Variants in GUCY1A2 observed in about 807,000 individuals in gnomAD.
GUCY1A2 encodes guanylate cyclase 1 soluble subunit alpha 2.
GUCY1A2 carries 27 observed loss-of-function variants against 63.5 expected under a neutral mutation model. The observed-to-expected ratio is 0.43, with a 90% CI of 0.31 to 0.59. GUCY1A2 has a LOEUF of 0.59. GUCY1A2 is among the 20% of genes least tolerant of loss of function. The pLI, the probability that GUCY1A2 is intolerant of heterozygous loss-of-function variation, is 0.11. For missense variants in GUCY1A2, 768 were observed against 913.3 expected (o/e 0.84, Z 2.05); for synonymous variants, 364 against 343.5 (o/e 1.06, Z -0.66).
chr11:106,895,500 G>A (rs994821419), intron 4 of GUCY1A2, among the ~76,000 whole-genome samples: 14 of 152,062 alleles, frequency 9.2e-5, no homozygotes, highest in African/African-American at 3.4e-4. Flanking sequence ...TTTCCATGCC[G>A]TTCTCATGAT....
At chr11:106,895,550 T>TTCC (rs1438404778) in intron 4 of GUCY1A2, among the ~76,000 whole-genome samples, 2 of 152,130 alleles carry the variant, frequency 1.3e-5, no homozygotes, top group African/African-American at 2.4e-5. Context: ...TAAAGGGCAG[T>TTCC]TCCTCCGCAC....
intron 5 of GUCY1A2, among the ~76,000 whole-genome samples, chr11:106,799,056 T>G (rs964970449): frequency 6.6e-6 from 1 of 152,178 alleles, no homozygotes. Context: ...ATAAGCAACT[T>G]CAGCAAAGTC....
At chr11:106,713,030 C>T (rs1863147603) in intron 6 of GUCY1A2, among the ~76,000 whole-genome samples, 1 of 152,132 alleles carries the variant, frequency 6.6e-6, no homozygotes, top group South Asian at 2.1e-4. Flanking sequence ...TCCTTGGTCT[C>T]CCAAGACTCT....
At chr11:106,845,352 C>G (rs1407213369) in intron 4 of GUCY1A2, among the ~76,000 whole-genome samples, 1 of 151,472 alleles carries the variant, frequency 6.6e-6, no homozygotes, top group Non-Finnish European at 1.5e-5. Context: ...ATTGCTCCCC[C>G]TCTTCTTTCA....
chr11:106,977,815 C>T (rs143197404), intron 3 of GUCY1A2, among the ~76,000 whole-genome samples: 43 of 152,218 alleles, frequency 2.8e-4, no homozygotes, highest in African/African-American at 7.7e-4. Flanking sequence ...CCCACTAGCA[C>T]CCTCCAGCAC....
intron 7 of GUCY1A2, among the ~76,000 whole-genome samples, chr11:106,695,317 C>T (rs1373842083): frequency 7.2e-5 from 11 of 152,038 alleles, no homozygotes; most frequent in East Asian, 1.9e-4. Context: ...TATTAACTTC[C>T]GAAAAGGGTA....
chr11:106,780,052 C>T (rs1864431357), intron 5 of GUCY1A2, among the ~76,000 whole-genome samples: 1 of 152,042 alleles, frequency 6.6e-6, no homozygotes, highest in Non-Finnish European at 1.5e-5. Context: ...TGGACCTTAC[C>T]TATAGTCCCA....
rs1048609384 is a variant in GUCY1A2 at position 106,686,127 on chromosome 11, A to C, written c.*1422T>G. The stretch of plus-strand genomic sequence containing the variant: ...GGAAACAAATGCTTCCAGCTTATTA[A>C]CCTCAATAGAAACTTAGATTTTATA... On this transcript the variant is annotated 3_prime_UTR_variant, in exon 8 of 8. Coordinates refer to ENST00000526355, the MANE Select transcript of GUCY1A2 (RefSeq NM_000855.3). The C allele has an allele frequency of 9.3e-6, 2 of 216,142 alleles. No individual in the cohort carries two copies. Among genetic ancestry groups the C allele is most frequent in the Admixed American group, 1.2e-4 (2 of 17,180 alleles). The allele number at this position is 216,142 out of a possible 1,614,324, so 13.4% of individuals were successfully genotyped here. A position where few individuals can be genotyped will look rare whatever the true frequency, so the allele number is the denominator to read the frequency against.
intron 7 of GUCY1A2, among the ~76,000 whole-genome samples, chr11:106,700,115 C>G (rs1250780466): frequency 6.6e-6 from 1 of 152,068 alleles, no homozygotes; most frequent in Non-Finnish European, 1.5e-5. Context: ...ACCACTTTTG[C>G]AAAGTACATA....
At chr11:106,878,729 A>T (rs549786492) in intron 4 of GUCY1A2, among the ~76,000 whole-genome samples, 1 of 150,954 alleles carries the variant, frequency 6.6e-6, no homozygotes, top group Non-Finnish European at 1.5e-5. Context: ...ATCCCCCATG[A>T]TATGAGTTTA....
intron 2 of GUCY1A2, among the ~76,000 whole-genome samples, chr11:106,982,730 T>C (rs1053184046): frequency 5.3e-5 from 8 of 151,902 alleles, no homozygotes; most frequent in Admixed American, 3.3e-4. Context: ...AAACGATACA[T>C]ACAAAGGCCC....
intron 4 of GUCY1A2, among the ~76,000 whole-genome samples, chr11:106,868,123 A>G (rs1039739820): frequency 6.6e-6 from 1 of 152,082 alleles, no homozygotes; most frequent in African/African-American, 2.4e-5. Flanking sequence ...ATAAAACTAC[A>G]TAAACCCAGG....
At chr11:106,950,614 G>A (rs540988570) in intron 3 of GUCY1A2, among the ~76,000 whole-genome samples, 150 of 152,232 alleles carry the variant, frequency 9.9e-4, no homozygotes, top group African/African-American at 2.8e-3. Flanking sequence ...TTACTGTGAC[G>A]TACATAGATT....
In GUCY1A2 at chr11:106,853,891, T is replaced by C. The variant is rs537106255; in HGVS notation, c.1207-43413A>G. Among the ~76,000 whole-genome samples the C allele has an allele frequency of 4.6e-5, 7 of 152,228 alleles. No homozygotes were observed. The South Asian group carries it at 1.5e-3, about 32-fold the overall frequency. On this transcript the variant is annotated intron_variant, in intron 4 of 7. Coordinates refer to ENST00000526355, the MANE Select transcript of GUCY1A2 (RefSeq NM_000855.3). ...GGAAAGTGCAGTAGTGTAGTCTCTG[T>C]ATGATTTCTTTGGCTGTAATAAATG...
At chr11:106,971,870 T>C (rs546560588) in intron 3 of GUCY1A2, among the ~76,000 whole-genome samples, 2 of 152,064 alleles carry the variant, frequency 1.3e-5, no homozygotes, top group Non-Finnish European at 2.9e-5. Flanking sequence ...TCTAGACAAC[T>C]GGGGCAGAAA....
At chr11:106,913,311 CCAGCAT>C (rs1860321502) in intron 4 of GUCY1A2, among the ~76,000 whole-genome samples, 1 of 152,088 alleles carries the variant, frequency 6.6e-6, no homozygotes, top group Non-Finnish European at 1.5e-5. Flanking sequence ...AAGCATGGCA[CCAGCAT>C]CAGCATCTGG....
intron 1 of GUCY1A2, among the ~76,000 whole-genome samples, chr11:107,016,869 G>A (rs1430013534): frequency 1.3e-5 from 2 of 152,124 alleles, no homozygotes; most frequent in Admixed American, 1.3e-4. Context: ...AGAGAGTAAA[G>A]GATGAGGTAC....
rs190090770 is a variant in GUCY1A2, at chr11:106,938,488, C to G, written c.1206+972G>C. Among the ~76,000 whole-genome samples, 276 of 152,210 alleles carry G rather than the reference C, an allele frequency of 1.8e-3. 1 individual carries two copies. Among genetic ancestry groups the G allele is most frequent in the South Asian group, 0.012 (58 of 4,830 alleles). On this transcript the variant is annotated intron_variant, in intron 4 of 7. Transcript: ENST00000526355. Reference sequence around the variant, plus strand: ...ACCTGTCATTTCTAATAGCTAATAGCTTCCCTCAAATGCTTGGAAACAGGC... The same window carrying G: ...ACCTGTCATTTCTAATAGCTAATAGGTTCCCTCAAATGCTTGGAAACAGGC...
At chr11:106,757,428 G>C (rs947693058) in intron 6 of GUCY1A2, among the ~76,000 whole-genome samples, 2 of 152,016 alleles carry the variant, frequency 1.3e-5, no homozygotes, top group African/African-American at 4.8e-5. Context: ...AGGAGAAAAG[G>C]CATTGTGATT....
Sources: gnomAD v4.1 joint callset for allele counts (sites outside exome capture counted in the v4.1 genomes callset) on GRCh38, gnomAD v4.1.1 for gene constraint, MANE v1.5 for transcripts, NCBI Gene and HGNC (gene_info 2026-07-23, HGNC 2026-07-21) for gene names.